The following MARK4 variants were observed in gnomAD, a reference collection of about 807,000 sequenced individuals.
MARK4 encodes the protein MAP/microtubule affinity-regulating kinase 4.
In MARK4, 19 loss-of-function variants were observed where a neutral mutation model predicts 81.5. The ratio of observed to expected loss-of-function variants is 0.23; its 90% CI spans 0.16 to 0.34. The LOEUF (loss-of-function observed/expected upper bound fraction) is 0.34. MARK4 is among the 10% of genes least tolerant of loss of function. MARK4 has a pLI of 1.00. For missense variants in MARK4, 772 were observed against 1,058.8 expected (o/e 0.73, Z 3.76); for synonymous variants, 436 against 439.0 (o/e 0.99, Z 0.08).
At chr19:45,272,937 G>T (rs1970548988) in intron 8 of MARK4, among the ~76,000 whole-genome samples, 1 of 152,150 alleles carries the variant, frequency 6.6e-6, no homozygotes, top group African/African-American at 2.4e-5. Flanking sequence ...GCAACTCCGT[G>T]CATATACTAA....
At position 45,259,715 on chromosome 19, in the gene MARK4, C is replaced by T. The variant is rs564770750; in HGVS notation, c.252+526C>T. Among the ~76,000 whole-genome samples the T allele has an allele frequency of 3.1e-3, 468 of 152,144 alleles. 3 individuals are homozygous for T. The highest frequency in any genetic ancestry group is 5.4e-3 in the Non-Finnish European group (367 of 67,996). On this transcript the variant is annotated intron_variant, in intron 2 of 16. Coordinates refer to ENST00000262891, the MANE Select transcript of MARK4 (RefSeq NM_001199867.2). Reference sequence around the variant, plus strand: ...GCTTGAGCTCAGGAGTTTGAGGCTGCGGTGAGGTGTGACCTCACCACTGCA... The same window carrying T: ...GCTTGAGCTCAGGAGTTTGAGGCTGTGGTGAGGTGTGACCTCACCACTGCA...
intron 16 of MARK4, among the ~76,000 whole-genome samples, chr19:45,301,580 G>A (rs76577668): frequency 2.2e-3 from 83 of 37,222 alleles, no homozygotes; most frequent in Non-Finnish European, 3.5e-3. Context: ...AAAAAAAAAA[G>A]CCGGGCGCAG....
intron 8 of MARK4, 100 bp from the exon 9 acceptor site, chr19:45,277,823 T>TTTGTGTGTGTG (rs1970619216): frequency 1.4e-6 from 1 of 709,436 alleles, no homozygotes; most frequent in Admixed American, 3.9e-5. Context: ...GGGACAAAGG[T>TTTGTGTGTGTG]TGTGTGTGTG....
intron 13 of MARK4, among the ~76,000 whole-genome samples, chr19:45,290,537 CTG>C (rs1166798534): frequency 6.6e-5 from 10 of 152,278 alleles, no homozygotes; most frequent in Admixed American, 2.0e-4. Context: ...CAGCAACTGA[CTG>C]TGACCGGCTT....
intron 12 of MARK4, among the ~76,000 whole-genome samples, chr19:45,283,767 G>C (rs1368483723): frequency 6.6e-6 from 1 of 152,124 alleles, no homozygotes; most frequent in Admixed American, 6.6e-5. Flanking sequence ...GCTGTGTTTT[G>C]CCGTCATTTC....
intron 13 of MARK4, chr19:45,288,157 G>C (rs1970771351): frequency 5.9e-6 from 1 of 168,106 alleles, no homozygotes; most frequent in Non-Finnish European, 1.3e-5. Context: ...GAGCCCAGGA[G>C]GTTGAGGCTA....
intron 8 of MARK4, among the ~76,000 whole-genome samples, chr19:45,274,445 A>G (rs1970572893): frequency 6.6e-6 from 1 of 151,914 alleles, no homozygotes; most frequent in African/African-American, 2.4e-5. Context: ...AGCCTGGCCA[A>G]CATGGTAAAA....
At chr19:45,300,817 A>G (rs923921093) in intron 16 of MARK4, among the ~76,000 whole-genome samples, 12 of 152,092 alleles carry the variant, frequency 7.9e-5, no homozygotes, top group African/African-American at 2.9e-4. Flanking sequence ...AGAGAGGAGA[A>G]GTACTCTGGT....
At position 45,287,512 on chromosome 19, in the gene MARK4, A is replaced by C; in HGVS notation, c.1342A>C (p.Lys448Gln). 1.3e-6 allele frequency: 2 copies of C among 1,551,324 alleles called. No homozygotes were observed. The highest frequency in any genetic ancestry group is 1.7e-6 in the Non-Finnish European group (2 of 1,145,784). ...GACGAGCACGGGGGAGGCGGAGCTG[A>C]AGGAGGAGCGGCTGCCAGGCCGGAA... ...SPTSTGEAELKEERLPGRKAS... is the reference protein window; with the variant it reads ...SPTSTGEAELQEERLPGRKAS... Residue 448 changes from lysine (K) to glutamine (Q), a missense_variant, in exon 13 of 17, where the codon AAG becomes CAG. Lys to Gln is a moderately conservative substitution (Grantham distance 53). Transcript: ENST00000262891.
rs1373401711 is a variant in MARK4 at position 45,271,589 on chromosome 19, GC to G, written c.671del (p.Pro224ArgfsTer70). The G allele has an allele frequency of 6.2e-7, 1 of 1,614,236 alleles. No homozygotes were observed. The highest frequency in any genetic ancestry group is 8.5e-7 in the Non-Finnish European group (1 of 1,180,052). ...DTFCGSPPYA[A>X]PELFQGKKYD... ...GTTCTGCGGGAGCCCCCCATATGCC[GC>G]CCCGGAGCTGTTTCAGGGCAAGAAG... is the stretch of plus-strand genomic sequence containing the variant. On this transcript the variant is annotated frameshift_variant, in exon 8 of 17. Transcript: ENST00000262891. LOFTEE classifies it high-confidence loss of function. The surrounding 1 kb of genome is among the most constrained non-coding windows in gnomAD (Gnocchi z 4.1).
chr19:45,269,139 G>A (rs1450896064), intron 7 of MARK4, among the ~76,000 whole-genome samples: 3 of 152,208 alleles, frequency 2.0e-5, no homozygotes, highest in Non-Finnish European at 4.4e-5. Context: ...CACTTTTTGG[G>A]AGGCCGAGGT....
At position 45,295,666 on chromosome 19, in the gene MARK4, T is replaced by C. The variant is rs1010680523; in HGVS notation, c.1598+1214T>C. Among the ~76,000 whole-genome samples, 12 of 152,048 alleles carry C rather than the reference T, an allele frequency of 7.9e-5. 1 individual carries two copies. In the East Asian group the frequency reaches 1.9e-3, roughly 25 times the overall value. On this transcript the variant is annotated intron_variant, in intron 14 of 16. Transcript: ENST00000262891. ...GTCATGTGCATGTAATCCCAGCTACTCAGAAGGCTGAATGAGGCAGGAGAA... is the reference window on the plus strand; with the variant it reads ...GTCATGTGCATGTAATCCCAGCTACCCAGAAGGCTGAATGAGGCAGGAGAA...
At chr19:45,258,826 G>T in intron 1 of MARK4, 163 bp from the exon 2 acceptor site, 2 of 696,540 alleles carry the variant, frequency 2.9e-6, no homozygotes, top group South Asian at 2.0e-5. Context: ...GTTCCTGGAG[G>T]CGTCTTTTTG....
At chr19:45,290,975 C>G (rs975939786) in intron 13 of MARK4, among the ~76,000 whole-genome samples, 1 of 152,180 alleles carries the variant, frequency 6.6e-6, no homozygotes, top group Non-Finnish European at 1.5e-5. Flanking sequence ...GGAAACAGAT[C>G]TTGAAGGCAT....
intron 7 of MARK4, among the ~76,000 whole-genome samples, chr19:45,268,043 G>A (rs562376672): frequency 3.3e-5 from 5 of 152,060 alleles, no homozygotes; most frequent in African/African-American, 9.6e-5. Flanking sequence ...TGATCTGCCC[G>A]CCTTGGCCTC....
chr19:45,254,610 G>T (rs181350013), intron 1 of MARK4, among the ~76,000 whole-genome samples: 1 of 152,214 alleles, frequency 6.6e-6, no homozygotes, highest in African/African-American at 2.4e-5. Context: ...GGGTGTCCCC[G>T]TCTGAAGACT....
At chr19:45,273,569 C>G (rs139454899) in intron 8 of MARK4, among the ~76,000 whole-genome samples, 79 of 152,308 alleles carry the variant, frequency 5.2e-4, no homozygotes, top group Non-Finnish European at 8.2e-4. Context: ...GCTGCGCCAT[C>G]TCTTGTGTCT....
intron 14 of MARK4, among the ~76,000 whole-genome samples, chr19:45,297,316 G>T (rs756966560): frequency 1.5e-4 from 23 of 152,280 alleles, no homozygotes; most frequent in South Asian, 4.1e-4. Context: ...CAAAGTGTTT[G>T]CCAAGTTGAT....
At chr19:45,275,551 G>A (rs1970587509) in intron 8 of MARK4, among the ~76,000 whole-genome samples, 1 of 152,150 alleles carries the variant, frequency 6.6e-6, no homozygotes, top group Non-Finnish European at 1.5e-5. Context: ...CTGGAGCTTG[G>A]CATCTGGCCA....
Sources: allele counts gnomAD v4.1 joint callset (sites outside exome capture counted in the v4.1 genomes callset), GRCh38; gene constraint gnomAD v4.1.1; non-coding constraint Gnocchi (gnomAD v3.1); transcripts MANE v1.5; gene names NCBI Gene and HGNC (gene_info 2026-07-23, HGNC 2026-07-21).